ADAM20: variants seen among roughly 807,000 people sequenced by gnomAD.
ADAM20 encodes the protein ADAM metallopeptidase domain 20.
For synonymous variants in ADAM20, 305 were observed against 310.2 expected, an observed-to-expected ratio of 0.98 and a Z score of 0.18; for missense variants, 871 against 883.2, an observed-to-expected ratio of 0.99 and a Z score of 0.18.
chr14:70,533,367 T>C (rs1284332628), intron 1 of ADAM20, among the ~76,000 whole-genome samples: 2 of 152,130 alleles, frequency 1.3e-5, no homozygotes, highest in Non-Finnish European at 2.9e-5. Context: ...CCATCAACGA[T>C]AGACTGGATA....
rs1883535845 is a variant in ADAM20, at chr14:70,524,392, C to T, written c.366G>A (p.Leu122=). Residue 122 remains leucine, a synonymous_variant, in exon 2 of 2, where the codon TTG becomes TTA. Coordinates refer to ENST00000256389, the MANE Select transcript of ADAM20 (RefSeq NM_003814.5). ...HGYVEGVPES[L]VALSTCSGGF... ...CCCCAGAACAGGTACTAAGGGCAAC[C>T]AAGGACTCAGGGACCCCCTCCACAT... 6.2e-7 allele frequency: 1 copy of T among 1,613,852 alleles called. No homozygotes were observed.
the ADAM20 span, among the ~76,000 whole-genome samples, chr14:70,553,831 C>A: frequency 2.0e-5 from 3 of 152,012 alleles, no homozygotes; most frequent in Admixed American, 6.6e-5. Context: ...CAGCTAGCAT[C>A]ATGAATGGGG....
the ADAM20 span, among the ~76,000 whole-genome samples, chr14:70,553,179 G>GCT: frequency 1.7e-5 from 1 of 58,976 alleles, no homozygotes; most frequent in Admixed American, 2.0e-4. Context: ...GGAGGGGGGA[G>GCT]GGATAGCATT....
the ADAM20 span, among the ~76,000 whole-genome samples, chr14:70,578,996 A>G: frequency 2.6e-5 from 4 of 152,070 alleles, no homozygotes; most frequent in African/African-American, 9.7e-5. Context: ...AGCTGCTTTC[A>G]TGTTGCTGCA....
At position 70,522,865 on chromosome 14, in the gene ADAM20, C is replaced by A. The variant is rs1400363455; in HGVS notation, c.1893G>T (p.Leu631=). The A allele has an allele frequency of 6.2e-6, 10 of 1,614,088 alleles. No homozygotes were observed. The highest frequency in any genetic ancestry group is 8.5e-6 in the Non-Finnish European group (10 of 1,179,946). ...AGGTCTTAGGCTGACAGGCTTGTGA[C>A]AGATGAACCATACTGGCACACTTCT... ...IRKKCASMVH[L]SQACQPKTCN... The change falls in exon 2 of 2, where the codon CTG becomes CTT. Residue 631 remains leucine, a synonymous_variant. Transcript: ENST00000256389.
At chr14:70,575,138 T>A in the ADAM20 span, among the ~76,000 whole-genome samples, 212 of 151,064 alleles carry the variant, frequency 1.4e-3, 1 homozygote, top group Non-Finnish European at 2.0e-3. Flanking sequence ...TACCTACAGT[T>A]AACAATATTG....
the ADAM20 span, among the ~76,000 whole-genome samples, chr14:70,576,958 G>A: frequency 6.6e-6 from 1 of 152,168 alleles, no homozygotes. Flanking sequence ...AATGTTCCCT[G>A]AGCTGGGCTG....
intron 1 of ADAM20, among the ~76,000 whole-genome samples, chr14:70,534,505 C>T (rs58777530): frequency 0.15 from 22,636 of 152,030 alleles, 2,396 homozygotes; most frequent in East Asian, 0.49. Context: ...GAAGGAAATC[C>T]TGTCATATGC....
At chr14:70,557,082 C>T in the ADAM20 span, 2 of 152,196 alleles carry the variant, frequency 1.3e-5, no homozygotes, top group South Asian at 4.2e-4. Context: ...ACAAAAGATG[C>T]CCTTCGTCAA....
chr14:70,540,238 C>CA, the ADAM20 span, among the ~76,000 whole-genome samples: 102 of 144,182 alleles, frequency 7.1e-4, no homozygotes, highest in East Asian at 2.8e-3. Flanking sequence ...GGTAATTAGC[C>CA]AAAAAAAAAA....
chr14:70,555,412 A>AT, the ADAM20 span, among the ~76,000 whole-genome samples: 3 of 152,178 alleles, frequency 2.0e-5, no homozygotes, highest in Admixed American at 2.0e-4. Context: ...TTAACTGTCA[A>AT]TTTTTTAAAA....
Position 70,524,286 on chromosome 14 carries a change from C to G in ADAM20, c.472G>C (p.Val158Leu), listed in dbSNP as rs755936744. The change falls in exon 2 of 2, where the codon GTA becomes CTA. Residue 158 changes from valine to leucine, a missense_variant. Val to Leu is a conservative substitution (Grantham distance 32). Transcript: ENST00000256389. ...GTATCATCACTGTCTATCTTATATA[C>G]TAGGTGTTCAAATGTGGCAGAAACA... The part of the protein sequence containing the change: ...ISVSATFEHL[V>L]YKIDSDDTQF... The G allele has an allele frequency of 5.0e-6, 8 of 1,614,016 alleles. No homozygotes were observed. Among genetic ancestry groups the G allele is most frequent in the Non-Finnish European group, 6.8e-6 (8 of 1,179,950 alleles).
At chr14:70,565,079 T>G in the ADAM20 span, among the ~76,000 whole-genome samples, 66 of 150,874 alleles carry the variant, frequency 4.4e-4, no homozygotes, top group African/African-American at 1.4e-3. Flanking sequence ...AAAATAAATA[T>G]AATTAAATTT....
chr14:70,577,125 T>C, the ADAM20 span, among the ~76,000 whole-genome samples: 1 of 152,190 alleles, frequency 6.6e-6, no homozygotes, highest in South Asian at 2.1e-4. Flanking sequence ...TCCCAACTCA[T>C]ATGATGCTGA....
chr14:70,569,105 G>T, the ADAM20 span, among the ~76,000 whole-genome samples: 1 of 152,086 alleles, frequency 6.6e-6, no homozygotes, highest in Non-Finnish European at 1.5e-5. Context: ...CAAGCCAGAA[G>T]AGACTGAAGC....
At chr14:70,528,648 G>GA (rs1419436650) in intron 1 of ADAM20, among the ~76,000 whole-genome samples, 1 of 152,114 alleles carries the variant, frequency 6.6e-6, no homozygotes, top group East Asian at 1.9e-4. Flanking sequence ...AATGATGAAA[G>GA]AAATTGTCCA....
the ADAM20 span, among the ~76,000 whole-genome samples, chr14:70,546,954 C>T: frequency 6.6e-6 from 1 of 151,900 alleles, no homozygotes; most frequent in Non-Finnish European, 1.5e-5. Context: ...AAACCTTCAG[C>T]AAGACTAAGG....
the ADAM20 span, among the ~76,000 whole-genome samples, chr14:70,570,183 G>A: frequency 6.6e-6 from 1 of 152,066 alleles, no homozygotes; most frequent in African/African-American, 2.4e-5. Flanking sequence ...AAATGCCTAC[G>A]TGAAAAGATA....
chr14:70,523,248 A>G lies in ADAM20; in HGVS notation c.1510T>C (p.Tyr504His), dbSNP rs760034193. Residue 504 changes from tyrosine to histidine, a missense_variant, in exon 2 of 2, where the codon TAT (tyrosine) becomes CAT (histidine). Coordinates refer to ENST00000256389, the MANE Select transcript of ADAM20 (RefSeq NM_003814.5). ...TCATGGTTATTACACGTCTTTTCATAGCAGAAGGCATTCACATTACAGGAG... is the reference window on the plus strand; with the variant it reads ...TCATGGTTATTACACGTCTTTTCATGGCAGAAGGCATTCACATTACAGGAG... Reference protein sequence around the residue: ...GISCNVNAFCYEKTCNNHDIQ... With the variant: ...GISCNVNAFCHEKTCNNHDIQ... 6.2e-7 allele frequency: 1 copy of G among 1,614,000 alleles called. No homozygotes were observed. The highest frequency in any genetic ancestry group is 1.7e-5 in the Admixed American group (1 of 59,990).
Sources: allele counts gnomAD v4.1 joint callset (sites outside exome capture counted in the v4.1 genomes callset), GRCh38; gene constraint gnomAD v4.1.1; transcripts MANE v1.5; gene names NCBI Gene and HGNC (gene_info 2026-07-23, HGNC 2026-07-21).